RANBP17: variants seen among roughly 807,000 people sequenced by gnomAD.
RANBP17 encodes RAN binding protein 17, also known as ran-binding protein 17.
In RANBP17, 158 loss-of-function variants were observed where a neutral mutation model predicts 141.2. That is an observed-to-expected ratio of 1.12 (90% CI 0.98 to 1.28). The LOEUF (loss-of-function observed/expected upper bound fraction) is 1.28, where lower values mean the gene tolerates loss of function less well. Among genes scored for constraint, RANBP17 ranks in the 50% most tolerant of loss-of-function variants. The pLI is 0.00. For synonymous variants in RANBP17, 430 were observed against 450.0 expected, an observed-to-expected ratio of 0.96 and a Z score of 0.56; for missense variants, 1,438 against 1,290.7, an observed-to-expected ratio of 1.11 and a Z score of -1.75.
At chr5:171,117,533 T>C (rs999743602) in intron 14 of RANBP17, among the ~76,000 whole-genome samples, 1 of 152,150 alleles carries the variant, frequency 6.6e-6, no homozygotes, top group Non-Finnish European at 1.5e-5. Context: ...GGAGTCTTGC[T>C]CTGTCGCCCA....
intron 14 of RANBP17, among the ~76,000 whole-genome samples, chr5:171,066,760 T>C (rs948855748): frequency 5.3e-5 from 8 of 152,218 alleles, no homozygotes; most frequent in African/African-American, 1.9e-4. Flanking sequence ...TTTTCCATAA[T>C]GGCTGTACTA....
rs188647056 is a variant in RANBP17 at position 171,016,357 on chromosome 5, A to G, written c.1710+47980A>G. On this transcript the variant is annotated intron_variant, in intron 14 of 27. Transcript: ENST00000523189. ...CAAAATTTCTATAAGTGACAAAGCT[A>G]TTCTTAGCTTACATACCATAAAGAC... Among the ~76,000 whole-genome samples the G allele has an allele frequency of 2.5e-3, 382 of 152,150 alleles. 3 individuals are homozygous for G. The highest frequency in any genetic ancestry group is 7.7e-3 in the African/African-American group (320 of 41,530).
chr5:171,157,915 A>G (rs1446845616), intron 14 of RANBP17, among the ~76,000 whole-genome samples: 2 of 152,228 alleles, frequency 1.3e-5, no homozygotes, highest in African/African-American at 4.8e-5. Flanking sequence ...TTGCCTGCCT[A>G]GCGTATCTGG....
At chr5:171,209,971 T>C (rs531607656) in intron 20 of RANBP17, among the ~76,000 whole-genome samples, 1 of 151,772 alleles carries the variant, frequency 6.6e-6, no homozygotes, top group Non-Finnish European at 1.5e-5. Flanking sequence ...GACGGATGGA[T>C]GGATGGATAG....
intron 14 of RANBP17, among the ~76,000 whole-genome samples, chr5:171,007,262 C>T (rs1402366616): frequency 6.6e-6 from 1 of 152,134 alleles, no homozygotes; most frequent in Non-Finnish European, 1.5e-5. Flanking sequence ...CACACGTACC[C>T]TGACTGTTCC....
intron 8 of RANBP17, among the ~76,000 whole-genome samples, chr5:170,915,751 G>T (rs945746733): frequency 2.7e-5 from 4 of 150,720 alleles, no homozygotes; most frequent in Admixed American, 2.6e-4. Context: ...GGTTCCCCCT[G>T]CCCCCCCCAA....
chr5:170,865,132 G>A (rs187727203), intron 1 of RANBP17, among the ~76,000 whole-genome samples: 70 of 152,090 alleles, frequency 4.6e-4, no homozygotes, highest in Non-Finnish European at 8.2e-4. Flanking sequence ...GTGGAATCTC[G>A]GCTAACTGCA....
At chr5:171,270,432 T>C (rs1022746765) in intron 25 of RANBP17, among the ~76,000 whole-genome samples, 21 of 152,300 alleles carry the variant, frequency 1.4e-4, no homozygotes, top group African/African-American at 4.6e-4. Context: ...CAAGCATTTT[T>C]ATGTTATTAG....
chr5:170,955,816 C>CTG (rs1335575529), intron 13 of RANBP17, among the ~76,000 whole-genome samples: 1 of 140,024 alleles, frequency 7.1e-6, no homozygotes, highest in African/African-American at 2.9e-5. Context: ...CCTAAAATTC[C>CTG]TGTATATATA....
At chr5:171,050,838 C>G (rs767391680) in intron 14 of RANBP17, among the ~76,000 whole-genome samples, 6 of 152,064 alleles carry the variant, frequency 3.9e-5, no homozygotes, top group Non-Finnish European at 7.3e-5. Context: ...TAGAGCAGAT[C>G]CACAGACAAT....
chr5:171,050,195 G>A (rs930149382), intron 14 of RANBP17, among the ~76,000 whole-genome samples: 5 of 151,844 alleles, frequency 3.3e-5, no homozygotes, highest in Non-Finnish European at 7.4e-5. Context: ...TAACATTTTA[G>A]TTTTCCATTT....
rs776354306 is a variant in RANBP17 at position 170,894,843 on chromosome 5, G to A, written c.424-1207G>A. Among the ~76,000 whole-genome samples the A allele has an allele frequency of 7.4e-4, 113 of 152,254 alleles. 1 individual carries two copies. Among genetic ancestry groups the A allele is most frequent in the Non-Finnish European group, 1.4e-3 (92 of 68,024 alleles). The stretch of plus-strand genomic sequence containing the variant: ...TTATGTAAGACTGTAAATGAACATA[G>A]TGCCTTCTTCATTGAGAAAGACTTG... On this transcript the variant is annotated intron_variant, in intron 4 of 27. Coordinates refer to ENST00000523189, the MANE Select transcript of RANBP17 (RefSeq NM_022897.5).
At chr5:171,241,248 T>A in intron 23 of RANBP17, 106 bp downstream of exon 23, 1 of 848,406 alleles carries the variant, frequency 1.2e-6, no homozygotes, top group Non-Finnish European at 1.8e-6. Flanking sequence ...TAGAACATTT[T>A]ATGTTTTAAG....
At chr5:171,244,694 A>G (rs975295899) in intron 24 of RANBP17, among the ~76,000 whole-genome samples, 1 of 152,012 alleles carries the variant, frequency 6.6e-6, no homozygotes, top group East Asian at 1.9e-4. Flanking sequence ...CGATACACCC[A>G]CCTCGGCCTC....
rs759904364 is a variant in RANBP17 at position 170,953,702 on chromosome 5, G to T, written c.1574G>T (p.Arg525Leu). 1 of 1,565,792 alleles carries T rather than the reference G, an allele frequency of 6.4e-7. No homozygotes were observed. The highest frequency in any genetic ancestry group is 1.1e-5 in the South Asian group (1 of 89,048). The change falls in exon 13 of 28, where the codon CGA becomes CTA. Residue 525 changes from arginine (R) to leucine (L), a missense_variant and splice_region_variant. Arg to Leu is a moderately radical substitution (Grantham distance 102). Transcript: ENST00000523189. ...HDAMDGELSC[R>L]VFQLISLMDT... The stretch of plus-strand genomic sequence containing the variant: ...GCTATGGATGGAGAATTATCCTGTC[G>T]GTAAGTAAGAGCTATGTAATTTACT...
intron 14 of RANBP17, among the ~76,000 whole-genome samples, chr5:170,972,684 C>T (rs1208482405): frequency 1.3e-5 from 2 of 152,110 alleles, no homozygotes; most frequent in Non-Finnish European, 1.5e-5. Context: ...TCTGCATCCT[C>T]ATGCATATGT....
chr5:170,969,023 C>G (rs1581266801), intron 14 of RANBP17, among the ~76,000 whole-genome samples: 1 of 151,684 alleles, frequency 6.6e-6, no homozygotes, highest in East Asian at 1.9e-4. Flanking sequence ...ATTCTCATTT[C>G]ATTTGAACTT....
intron 18 of RANBP17, among the ~76,000 whole-genome samples, chr5:171,191,504 G>A (rs1017748550): frequency 3.9e-5 from 6 of 152,056 alleles, no homozygotes; most frequent in Admixed American, 6.5e-5. Context: ...TGGCTAACAT[G>A]GTGAAACCCT....
intron 14 of RANBP17, among the ~76,000 whole-genome samples, chr5:171,168,779 G>A (rs1488642480): frequency 6.6e-6 from 1 of 152,082 alleles, no homozygotes; most frequent in African/African-American, 2.4e-5. Context: ...TTTTCTGTAG[G>A]GCTCAGAAGT....
Sources: allele counts gnomAD v4.1 joint callset (sites outside exome capture counted in the v4.1 genomes callset), GRCh38; gene constraint gnomAD v4.1.1; transcripts MANE v1.5; gene names NCBI Gene and HGNC (gene_info 2026-07-23, HGNC 2026-07-21).